Variants in TENM4 observed in about 807,000 individuals in gnomAD.
TENM4 encodes the protein teneurin-4.
In TENM4, 82 loss-of-function variants were observed where a neutral mutation model predicts 243.3. The ratio of observed to expected loss-of-function variants is 0.34; its 90% CI spans 0.28 to 0.40. TENM4 has a LOEUF of 0.40. TENM4 is among the 10% of genes least tolerant of loss of function. TENM4 has a pLI of 1.00. For missense variants in TENM4, 3,138 were observed against 3,673.3 expected, an observed-to-expected ratio of 0.85 and a Z score of 3.77; for synonymous variants, 1,412 against 1,456.3, an observed-to-expected ratio of 0.97 and a Z score of 0.69.
intron 27 of TENM4, among the ~76,000 whole-genome samples, chr11:78,707,800 A>T (rs1191218050): frequency 1.3e-5 from 2 of 152,234 alleles, no homozygotes; most frequent in African/African-American, 4.8e-5. Flanking sequence ...TCTTCAGGGT[A>T]ATCCTACTGG....
At chr11:79,034,404 C>T (rs567500995) in intron 6 of TENM4, among the ~76,000 whole-genome samples, 18 of 152,234 alleles carry the variant, frequency 1.2e-4, no homozygotes, top group Non-Finnish European at 2.2e-4. Flanking sequence ...TATTCTGCTG[C>T]CTTATGAAGG....
intron 1 of TENM4, among the ~76,000 whole-genome samples, chr11:79,405,040 G>A (rs147609825): frequency 3.9e-4 from 59 of 152,270 alleles, no homozygotes; most frequent in Non-Finnish European, 6.5e-4. Context: ...GCATGCCTGC[G>A]TGTGTTTATG....
chr11:78,827,141 T>C (rs533616717), intron 12 of TENM4, among the ~76,000 whole-genome samples: 1 of 152,246 alleles, frequency 6.6e-6, no homozygotes, highest in South Asian at 2.1e-4. Context: ...TTGCTATATC[T>C]AACTATATTT....
At chr11:79,040,739 T>G (rs1233874777) in intron 6 of TENM4, among the ~76,000 whole-genome samples, 1 of 152,048 alleles carries the variant, frequency 6.6e-6, no homozygotes, top group African/African-American at 2.4e-5. Flanking sequence ...GCCTCTTTAC[T>G]CCCCCTTTGT....
At chr11:79,251,214 T>C (rs1048522867) in intron 2 of TENM4, among the ~76,000 whole-genome samples, 13 of 152,208 alleles carry the variant, frequency 8.5e-5, no homozygotes, top group African/African-American at 2.9e-4. Context: ...AACTAAGCTC[T>C]GACACCCTGA....
At chr11:79,231,467 T>C (rs1351013196) in intron 2 of TENM4, among the ~76,000 whole-genome samples, 2 of 152,100 alleles carry the variant, frequency 1.3e-5, no homozygotes, top group Admixed American at 6.5e-5. Flanking sequence ...AGTATTTACT[T>C]ATCACCTATC....
chr11:79,025,393 T>A (rs1859051432), intron 6 of TENM4, among the ~76,000 whole-genome samples: 1 of 152,162 alleles, frequency 6.6e-6, no homozygotes, highest in African/African-American at 2.4e-5. Flanking sequence ...TAATAATAAT[T>A]AATAATAATA....
intron 2 of TENM4, among the ~76,000 whole-genome samples, chr11:79,235,554 T>C (rs1288570457): frequency 6.6e-6 from 1 of 152,138 alleles, no homozygotes; most frequent in Non-Finnish European, 1.5e-5. Flanking sequence ...CTGTTGTTAA[T>C]GATTGATCAA....
chr11:79,052,751 T>A (rs1859831705), intron 6 of TENM4, among the ~76,000 whole-genome samples: 1 of 152,230 alleles, frequency 6.6e-6, no homozygotes, highest in Non-Finnish European at 1.5e-5. Flanking sequence ...GCACTTCAGC[T>A]GCCACTGTGG....
intron 20 of TENM4, among the ~76,000 whole-genome samples, chr11:78,735,804 AC>A (rs1363914110): frequency 6.6e-6 from 1 of 152,074 alleles, no homozygotes; most frequent in Non-Finnish European, 1.5e-5. Context: ...TGGGAAAAGC[AC>A]AGGGCCTCAC....
chr11:78,685,169 A>G lies in TENM4; in HGVS notation c.5260+2885T>C, dbSNP rs568088718. On this transcript the variant is annotated intron_variant, in intron 29 of 33. Coordinates refer to ENST00000278550, the MANE Select transcript of TENM4 (RefSeq NM_001098816.3). The stretch of plus-strand genomic sequence containing the variant: ...AAAAGCCTGTGTCAATTTATCCTTT[A>G]AAGCTGCTCCTTGCTGAATCCACAT... Among the ~76,000 whole-genome samples the G allele has an allele frequency of 3.3e-5, 5 of 152,330 alleles. No individual in the cohort carries two copies. The South Asian group carries it at 1.0e-3, about 32-fold the overall frequency.
At chr11:79,079,602 G>T (rs1298491114) in intron 4 of TENM4, among the ~76,000 whole-genome samples, 1 of 152,128 alleles carries the variant, frequency 6.6e-6, no homozygotes, top group African/African-American at 2.4e-5. Context: ...GGCCAAGGAG[G>T]GCAGATCACT....
chr11:79,153,772 C>A (rs189205037), intron 3 of TENM4, among the ~76,000 whole-genome samples: 28 of 152,126 alleles, frequency 1.8e-4, no homozygotes, highest in Admixed American at 7.2e-4. Flanking sequence ...TATACCATTG[C>A]TCATGCTGTG....
intron 18 of TENM4, among the ~76,000 whole-genome samples, chr11:78,760,656 AT>A (rs1196097606): frequency 6.6e-6 from 1 of 152,158 alleles, no homozygotes; most frequent in Non-Finnish European, 1.5e-5. Context: ...TTTAATTAGT[AT>A]TTGTGTCTCT....
chr11:78,964,743 T>C (rs1857404094), intron 6 of TENM4, among the ~76,000 whole-genome samples: 1 of 152,186 alleles, frequency 6.6e-6, no homozygotes, highest in South Asian at 2.1e-4. Flanking sequence ...TGAAAGTATA[T>C]AGTATATTCT....
At chr11:79,016,081 G>C (rs1207212126) in intron 6 of TENM4, among the ~76,000 whole-genome samples, 1 of 152,184 alleles carries the variant, frequency 6.6e-6, no homozygotes, top group Non-Finnish European at 1.5e-5. Flanking sequence ...AGCTAGAGTG[G>C]ATCCCAGACA....
At chr11:78,882,157 TA>T (rs1855444655) in intron 9 of TENM4, among the ~76,000 whole-genome samples, 2 of 152,180 alleles carry the variant, frequency 1.3e-5, no homozygotes, top group Non-Finnish European at 2.9e-5. Context: ...AAATAACACC[TA>T]GGCCCAAGTG....
rs1311661271 is a variant in TENM4, at chr11:78,970,958, A to G, written c.494-67435T>C. Among the ~76,000 whole-genome samples, 4 of 152,144 alleles carry G rather than the reference A, an allele frequency of 2.6e-5. No homozygotes were observed. In the East Asian group the frequency reaches 5.8e-4, roughly 22 times the overall value. On this transcript the variant is annotated intron_variant, in intron 6 of 33. Transcript: ENST00000278550. ...TAGAAAATTTTTAATATGCTTTTAT[A>G]TCTTCAAAATTTTCTATAATTAGCA...
chr11:79,171,996 G>A (rs1459325001), intron 3 of TENM4, among the ~76,000 whole-genome samples: 1 of 152,192 alleles, frequency 6.6e-6, no homozygotes, highest in Non-Finnish European at 1.5e-5. Context: ...CCGTTACTTA[G>A]GCTGCAGTGC....
Sources: gnomAD v4.1 joint callset for allele counts (sites outside exome capture counted in the v4.1 genomes callset) on GRCh38, gnomAD v4.1.1 for gene constraint, MANE v1.5 for transcripts, NCBI Gene and HGNC (gene_info 2026-07-23, HGNC 2026-07-21) for gene names.